Variants in KAZN observed in about 807,000 individuals in gnomAD.
KAZN encodes kazrin, periplakin interacting protein.
In KAZN, 40 loss-of-function variants were observed where a neutral mutation model predicts 87.4. That is an observed-to-expected ratio of 0.46 (90% CI 0.36 to 0.60). The LOEUF is 0.60. Among genes scored for constraint, KAZN ranks in the 20% least tolerant of loss-of-function variants. The pLI, the probability that KAZN is intolerant of heterozygous loss-of-function variation, is 0.00. For missense variants in KAZN, 898 were observed against 1,073.9 expected, an observed-to-expected ratio of 0.84 and a Z score of 2.29; for synonymous variants, 466 against 458.3, an observed-to-expected ratio of 1.02 and a Z score of -0.22.
At chr1:14,759,175 G>A (rs987886688) in intron 1 of KAZN, among the ~76,000 whole-genome samples, 1 of 152,150 alleles carries the variant, frequency 6.6e-6, no homozygotes, top group Non-Finnish European at 1.5e-5. Context: ...GGGCAGCCAC[G>A]GCAGGAGCTC....
chr1:14,836,066 G>A (rs546674703), intron 1 of KAZN, among the ~76,000 whole-genome samples: 91 of 152,222 alleles, frequency 6.0e-4, no homozygotes, highest in South Asian at 2.9e-3. Flanking sequence ...GAGCCCCTCC[G>A]CCCCGCTAGC....
intron 2 of KAZN, among the ~76,000 whole-genome samples, chr1:14,324,987 G>A (rs1162653939): frequency 1.3e-5 from 2 of 152,198 alleles, no homozygotes; most frequent in African/African-American, 4.8e-5. Flanking sequence ...TAGTAAGGCA[G>A]CCATTATTCG....
At chr1:15,074,042 A>G (rs1639631044) in intron 8 of KAZN, among the ~76,000 whole-genome samples, 1 of 152,042 alleles carries the variant, frequency 6.6e-6, no homozygotes, top group South Asian at 2.1e-4. Context: ...CCGGCTCTGG[A>G]CTCCCAGTGT....
intron 2 of KAZN, among the ~76,000 whole-genome samples, chr1:14,317,889 A>C (rs1655769432): frequency 6.6e-6 from 1 of 151,988 alleles, no homozygotes; most frequent in Non-Finnish European, 1.5e-5. Flanking sequence ...GAGTTATTGC[A>C]CTTTATTTTT....
chr1:14,434,359 T>C (rs1666258040), intron 2 of KAZN, among the ~76,000 whole-genome samples: 2 of 152,000 alleles, frequency 1.3e-5, no homozygotes, highest in Admixed American at 1.3e-4. Flanking sequence ...TCCAGCAGAG[T>C]TGTGCGGAGC....
chr1:14,892,161 A>G (rs2101170650), intron 1 of KAZN, among the ~76,000 whole-genome samples: 1 of 152,148 alleles, frequency 6.6e-6, no homozygotes, highest in South Asian at 2.1e-4. Context: ...CCTGGCCCAA[A>G]TGGAGTCTCA....
At chr1:14,952,493 A>AT (rs142127716) in intron 1 of KAZN, among the ~76,000 whole-genome samples, 3,226 of 151,664 alleles carry the variant, frequency 0.021, 116 homozygotes, top group African/African-American at 0.073. Flanking sequence ...CTATATTTAG[A>AT]TTTTTTTTTC....
chr1:14,670,035 G>A (rs1639819889), intron 1 of KAZN, among the ~76,000 whole-genome samples: 1 of 152,080 alleles, frequency 6.6e-6, no homozygotes, highest in African/African-American at 2.4e-5. Context: ...GCAAACTGGT[G>A]GCCCCTAGCT....
intron 2 of KAZN, among the ~76,000 whole-genome samples, chr1:14,574,018 C>A (rs1675029488): frequency 6.6e-6 from 1 of 152,016 alleles, no homozygotes; most frequent in Non-Finnish European, 1.5e-5. Context: ...GGCTCTTATT[C>A]CAAGCAGCAG....
intron 1 of KAZN, among the ~76,000 whole-genome samples, chr1:14,651,727 A>C (rs889815891): frequency 2.0e-5 from 3 of 152,228 alleles, no homozygotes; most frequent in Admixed American, 2.0e-4. Flanking sequence ...AGGGTCTAAG[A>C]TGAACCGTGT....
At chr1:14,350,056 C>A (rs972226312) in intron 2 of KAZN, among the ~76,000 whole-genome samples, 5 of 150,920 alleles carry the variant, frequency 3.3e-5, no homozygotes, top group Admixed American at 6.6e-5. Flanking sequence ...GAGGCGTGAA[C>A]CTGGGAGGCG....
chr1:14,636,662 C>G (rs1170235405), intron 1 of KAZN, among the ~76,000 whole-genome samples: 1 of 152,180 alleles, frequency 6.6e-6, no homozygotes, highest in Non-Finnish European at 1.5e-5. Context: ...CAGCCTGATG[C>G]ATGAGGCCAC....
rs1658801756 is a variant in KAZN at position 14,923,649 on chromosome 1, C to T, written c.227-37035C>T. Among the ~76,000 whole-genome samples the T allele has an allele frequency of 6.6e-6, 1 of 152,344 alleles. No homozygotes were observed. Among genetic ancestry groups the T allele is most frequent in the African/African-American group, 2.4e-5 (1 of 41,582 alleles). On this transcript the variant is annotated intron_variant, in intron 1 of 14. Coordinates refer to ENST00000376030, the MANE Select transcript of KAZN (RefSeq NM_201628.3). This position sits in a 1 kb window ranked among gnomAD's most constrained non-coding sequence, Gnocchi z 4.2. The stretch of plus-strand genomic sequence containing the variant: ...TCAGCCCCCTCGCGATCTCCCCCAC[C>T]AGACGGTGGGTGCACTCAGCATTCC...
chr1:14,411,509 TG>T (rs1664300658), intron 2 of KAZN, among the ~76,000 whole-genome samples: 1 of 152,234 alleles, frequency 6.6e-6, no homozygotes, highest in Non-Finnish European at 1.5e-5. Flanking sequence ...TTGGCCAGGC[TG>T]GTCTTGAACT....
At chr1:14,799,603 C>T (rs1338028202) in intron 1 of KAZN, among the ~76,000 whole-genome samples, 1 of 152,184 alleles carries the variant, frequency 6.6e-6, no homozygotes, top group Non-Finnish European at 1.5e-5. Flanking sequence ...CCAGAGCCAG[C>T]TCTTCAAAGA....
At chr1:14,708,141 A>G (rs1242308338) in intron 1 of KAZN, among the ~76,000 whole-genome samples, 1 of 152,094 alleles carries the variant, frequency 6.6e-6, no homozygotes, top group Non-Finnish European at 1.5e-5. Context: ...TGCACCCATA[A>G]AGTCTTGATT....
Position 15,077,509 on chromosome 1 carries a change from G to A in KAZN, c.1222+11756G>A, listed in dbSNP as rs1639811264. Among the ~76,000 whole-genome samples the A allele has an allele frequency of 6.6e-6, 1 of 152,212 alleles. No individual in the cohort carries two copies. On this transcript the variant is annotated intron_variant, in intron 8 of 14. Coordinates refer to ENST00000376030, the MANE Select transcript of KAZN (RefSeq NM_201628.3). This position sits in a 1 kb window ranked among gnomAD's most constrained non-coding sequence, Gnocchi z 4.8. The stretch of plus-strand genomic sequence containing the variant: ...GGAAAAGGGGTCTTCGCTCAGCACT[G>A]CCCTCGGAGGCCTTGAGTCACTGCA...
At chr1:13,932,769 A>T (rs1640576297) in intron 1 of KAZN, among the ~76,000 whole-genome samples, 1 of 152,196 alleles carries the variant, frequency 6.6e-6, no homozygotes, top group African/African-American at 2.4e-5. Flanking sequence ...GTTCGTTGCT[A>T]AATGTTTGAC....
chr1:14,850,604 C>T (rs1291827394), intron 1 of KAZN, among the ~76,000 whole-genome samples: 2 of 152,198 alleles, frequency 1.3e-5, no homozygotes, highest in African/African-American at 4.8e-5. Flanking sequence ...GGCCATCACA[C>T]GTGTGTTTGC....
Sources: gnomAD v4.1 joint callset for allele counts (sites outside exome capture counted in the v4.1 genomes callset) on GRCh38, gnomAD v4.1.1 for gene constraint, Gnocchi (gnomAD v3.1) non-coding constraint, MANE v1.5 for transcripts, NCBI Gene and HGNC (gene_info 2026-07-23, HGNC 2026-07-21) for gene names.